The following KIFAP3 variants were observed in gnomAD, a reference collection of about 807,000 sequenced individuals.
KIFAP3 encodes kinesin-associated protein 3.
Under a neutral mutation model 106.5 loss-of-function variants are expected in KIFAP3, and 68 were observed. The ratio of observed to expected loss-of-function variants is 0.64; its 90% CI spans 0.53 to 0.78. The LOEUF (loss-of-function observed/expected upper bound fraction) is 0.78. KIFAP3 is among the 30% of genes least tolerant of loss of function. The pLI, the probability that KIFAP3 is intolerant of heterozygous loss-of-function variation, is 0.00. For missense variants in KIFAP3, 780 were observed against 941.8 expected, an observed-to-expected ratio of 0.83 and a Z score of 2.25; for synonymous variants, 320 against 311.5, an observed-to-expected ratio of 1.03 and a Z score of -0.29.
At chr1:170,018,420 C>T (rs574101552) in intron 9 of KIFAP3, among the ~76,000 whole-genome samples, 42 of 152,230 alleles carry the variant, frequency 2.8e-4, no homozygotes, top group African/African-American at 9.4e-4. Flanking sequence ...AAGAGAAGCT[C>T]TGCATTCAGA....
At chr1:169,936,690 G>C (rs1434851964) in intron 19 of KIFAP3, among the ~76,000 whole-genome samples, 1 of 151,558 alleles carries the variant, frequency 6.6e-6, no homozygotes, top group Admixed American at 6.6e-5. Context: ...AAAGGTCTGT[G>C]TTTTTGTACT....
intron 18 of KIFAP3, among the ~76,000 whole-genome samples, chr1:169,955,259 T>C (rs1664946715): frequency 6.6e-6 from 1 of 152,200 alleles, no homozygotes; most frequent in Non-Finnish European, 1.5e-5. Flanking sequence ...CACATGCAAA[T>C]ACTGTGCTAG....
At chr1:169,974,000 T>C (rs1571587725) in intron 16 of KIFAP3, among the ~76,000 whole-genome samples, 2 of 151,766 alleles carry the variant, frequency 1.3e-5, no homozygotes, top group East Asian at 1.9e-4. Context: ...TAAAATGAAG[T>C]GAAATTATCA....
intron 18 of KIFAP3, among the ~76,000 whole-genome samples, chr1:169,955,064 C>T (rs1036044544): frequency 6.6e-6 from 1 of 152,144 alleles, no homozygotes; most frequent in Admixed American, 6.5e-5. Context: ...CGTTAGTATA[C>T]TGCTTTTGTA....
upstream of KIFAP3, among the ~76,000 whole-genome samples, chr1:170,075,547 A>G (rs1390303102): frequency 1.3e-5 from 2 of 152,208 alleles, no homozygotes; most frequent in Non-Finnish European, 2.9e-5. Context: ...AATGTAGTAC[A>G]TTGATGCAAT....
chr1:169,982,492 GA>G lies in KIFAP3; in HGVS notation c.1672+209del, dbSNP rs749501061. On this transcript the variant is annotated intron_variant, in intron 14 of 19. Transcript: ENST00000361580. ...CACAAGAAAGGTAGAATAGGAAATAGAAACTAACATAAGAAAACACACTTTT... is the reference window on the plus strand; with the variant it reads ...CACAAGAAAGGTAGAATAGGAAATAGAACTAACATAAGAAAACACACTTTT... Among the ~76,000 whole-genome samples the G allele has an allele frequency of 6.6e-5, 10 of 152,230 alleles. No homozygotes were observed. The South Asian group carries it at 8.3e-4, about 13-fold the overall frequency.
chr1:169,982,120 A>T (rs776201346), intron 14 of KIFAP3, 23 bp from the exon 15 acceptor site: 1 of 1,609,236 alleles, frequency 6.2e-7, no homozygotes, highest in East Asian at 2.2e-5. Context: ...AACCATAGAA[A>T]GTTTTCACTG....
chr1:170,035,633 A>G (rs549979617), intron 5 of KIFAP3, 80 bp from the exon 6 acceptor site: 1 of 787,184 alleles, frequency 1.3e-6, no homozygotes, highest in African/African-American at 1.8e-5. Context: ...ATGTCTAGTT[A>G]TTAATGAATA....
chr1:169,972,003 C>T (rs1665949404), intron 17 of KIFAP3, among the ~76,000 whole-genome samples: 1 of 151,824 alleles, frequency 6.6e-6, no homozygotes, highest in African/African-American at 2.4e-5. Context: ...TGATCATATC[C>T]CTCTAGTCAT....
intron 1 of KIFAP3, among the ~76,000 whole-genome samples, chr1:170,060,402 C>T (rs1386754706): frequency 1.3e-5 from 2 of 152,130 alleles, no homozygotes; most frequent in African/African-American, 4.8e-5. Flanking sequence ...GAGTGAAATT[C>T]CATTCACTAT....
At chr1:169,997,897 T>A (rs202194687) in intron 10 of KIFAP3, among the ~76,000 whole-genome samples, 7 of 130,166 alleles carry the variant, frequency 5.4e-5, no homozygotes, top group Non-Finnish European at 9.6e-5. Flanking sequence ...AAAAAAAGGA[T>A]AAAAAAAAAA....
intron 10 of KIFAP3, among the ~76,000 whole-genome samples, chr1:170,006,991 AGACTGAGAAC>A (rs1668000562): frequency 6.6e-6 from 1 of 152,190 alleles, no homozygotes; most frequent in Admixed American, 6.6e-5. Flanking sequence ...GCAGAAAAGG[AGACTGAGAAC>A]GACTGGATAT....
At chr1:170,069,799 G>A (rs959660564) in intron 1 of KIFAP3, among the ~76,000 whole-genome samples, 1 of 150,960 alleles carries the variant, frequency 6.6e-6, no homozygotes, top group Non-Finnish European at 1.5e-5. Flanking sequence ...ATTCAACATA[G>A]TACTGGAAAT....
chr1:169,928,132 C>T (rs1400129849), intron 19 of KIFAP3, among the ~76,000 whole-genome samples: 1 of 151,122 alleles, frequency 6.6e-6, no homozygotes, highest in Non-Finnish European at 1.5e-5. Context: ...TGGAGTCTTG[C>T]TCTGTTGCCC....
intron 19 of KIFAP3, among the ~76,000 whole-genome samples, chr1:169,926,721 A>T (rs1371860004): frequency 6.6e-6 from 1 of 152,068 alleles, no homozygotes; most frequent in Admixed American, 6.6e-5. Context: ...AATTTTACTT[A>T]TAACTACCAT....
At chr1:169,944,739 A>G (rs1664337352) in intron 19 of KIFAP3, among the ~76,000 whole-genome samples, 1 of 152,154 alleles carries the variant, frequency 6.6e-6, no homozygotes, top group South Asian at 2.1e-4. Flanking sequence ...AGCTCTCAGC[A>G]GAGAGGAGAT....
chr1:170,076,346 G>T (rs1217779119), upstream of KIFAP3, among the ~76,000 whole-genome samples: 1 of 152,170 alleles, frequency 6.6e-6, no homozygotes, highest in African/African-American at 2.4e-5. Context: ...TCTGTGGCAG[G>T]AAAAGTACAA....
At chr1:170,009,406 C>T (rs1273901754) in intron 10 of KIFAP3, among the ~76,000 whole-genome samples, 1 of 151,256 alleles carries the variant, frequency 6.6e-6, no homozygotes, top group African/African-American at 2.4e-5. Flanking sequence ...CAGTGAAATG[C>T]CACTTTTATT....
chr1:170,076,707 C>G (rs1391347168), upstream of KIFAP3, among the ~76,000 whole-genome samples: 2 of 152,080 alleles, frequency 1.3e-5, no homozygotes, highest in East Asian at 1.9e-4. Context: ...ACAGAAAATA[C>G]CTGGTAGGAA....
Sources: allele counts gnomAD v4.1 joint callset (sites outside exome capture counted in the v4.1 genomes callset), GRCh38; gene constraint gnomAD v4.1.1; transcripts MANE v1.5; gene names NCBI Gene and HGNC (gene_info 2026-07-23, HGNC 2026-07-21).